Variants in ZRANB1 observed in about 807,000 individuals in gnomAD.
The protein encoded by ZRANB1 is zinc finger RANBP2-type containing 1.
In ZRANB1, 16 loss-of-function variants were observed where a neutral mutation model predicts 80.5. The ratio of observed to expected loss-of-function variants is 0.20; its 90% confidence interval spans 0.13 to 0.30. The LOEUF is 0.30. ZRANB1 is among the 10% of genes least tolerant of loss of function. The pLI, the probability that ZRANB1 is intolerant of heterozygous loss-of-function variation, is 1.00. For missense variants in ZRANB1, 576 were observed against 862.6 expected (o/e 0.67, Z 4.16); for synonymous variants, 291 against 293.1 (o/e 0.99, Z 0.07).
chr10:124,955,142 C>T (rs776819267), intron 1 of ZRANB1, among the ~76,000 whole-genome samples: 5 of 151,298 alleles, frequency 3.3e-5, no homozygotes, highest in East Asian at 4.0e-4. Context: ...CAAACAAAAA[C>T]GAACAACCAA....
At chr10:124,971,277 TA>T (rs1156360683) in intron 2 of ZRANB1, among the ~76,000 whole-genome samples, 1 of 152,210 alleles carries the variant, frequency 6.6e-6, no homozygotes, top group African/African-American at 2.4e-5. Context: ...TTAAAAAGAA[TA>T]AAAAAATAAC....
In ZRANB1 at chr10:124,987,146, A is replaced by G. The variant is rs753998776; in HGVS notation, c.*2154A>G. On this transcript the variant is annotated 3_prime_UTR_variant, in exon 9 of 9. Coordinates refer to ENST00000359653, the MANE Select transcript of ZRANB1 (RefSeq NM_017580.3). ...CCAAAAATTTTGGTAAATCAATGCT[A>G]TATTATGCTCTTGAACTATTAAAAC... 2.0e-5 allele frequency: 3 copies of G among 152,556 alleles called. No homozygotes were observed. Among genetic ancestry groups the G allele is most frequent in the African/African-American group, 4.8e-5 (2 of 41,404 alleles). The allele number at this position is 152,556 out of a possible 1,614,324, so 9.5% of individuals were successfully genotyped here. A position where few individuals can be genotyped will look rare whatever the true frequency, so the allele number is the denominator to read the frequency against.
intron 1 of ZRANB1, among the ~76,000 whole-genome samples, chr10:124,964,535 G>C (rs1235575535): frequency 6.6e-6 from 1 of 152,142 alleles, no homozygotes; most frequent in Non-Finnish European, 1.5e-5. Flanking sequence ...CTCTGTCTTT[G>C]AGAAATAAGA....
chr10:124,919,293 C>G, the ZRANB1 span, among the ~76,000 whole-genome samples: 1 of 152,124 alleles, frequency 6.6e-6, no homozygotes, highest in African/African-American at 2.4e-5. Context: ...GCCTATAATC[C>G]CAGCACTTTG....
chr10:124,971,474 AGG>A (rs952708034), intron 2 of ZRANB1, among the ~76,000 whole-genome samples: 2 of 152,214 alleles, frequency 1.3e-5, no homozygotes, highest in African/African-American at 4.8e-5. Flanking sequence ...AAAGGGCTTG[AGG>A]TCAGTGGGAA....
Position 124,981,717 on chromosome 10 carries a change from C to T in ZRANB1, c.1436C>T (p.Thr479Ile). 6.2e-7 allele frequency: 1 copy of T among 1,608,886 alleles called. No individual in the cohort carries two copies. Among genetic ancestry groups the T allele is most frequent in the Non-Finnish European group, 8.5e-7 (1 of 1,178,660 alleles). ...CTATCCTGCTTTTTTAGGTTTTACA[C>T]ACGCTGGAAAGATTGGGAATCATGG... is the stretch of plus-strand genomic sequence containing the variant. ...SLHDCSHWFY[T>I]RWKDWESWYS... The change falls in exon 6 of 9, where the codon ACA becomes ATA. Residue 479 changes from threonine to isoleucine, a missense_variant. Physicochemically the swap from Thr to Ile is moderately conservative, Grantham distance 89. Around this residue, in one of 3 missense-constraint regions of ZRANB1, gnomAD observed 411 missense variants for 583.1 expected, o/e 0.70. Transcript: ENST00000359653.
In ZRANB1 at chr10:124,986,968, A is replaced by G. The variant is rs1490049463; in HGVS notation, c.*1976A>G. 6.7e-6 allele frequency: 1 copy of G among 149,642 alleles called. No homozygotes were observed. The highest frequency in any genetic ancestry group is 1.5e-5 in the Non-Finnish European group (1 of 66,998). 9.3% of individuals were successfully genotyped at this position (149,642 alleles called of 1,614,324 possible). A position where few individuals can be genotyped will look rare whatever the true frequency, so the allele number is the denominator to read the frequency against. ...TGTTGTTTCCCCTGAGCGCTCTATT[A>G]TTTATTTATTTATTATCAATCAGTG... On this transcript the variant is annotated 3_prime_UTR_variant, in exon 9 of 9. Coordinates refer to ENST00000359653, the MANE Select transcript of ZRANB1 (RefSeq NM_017580.3).
chr10:124,980,708 A>G (rs1382892739), intron 5 of ZRANB1, among the ~76,000 whole-genome samples: 2 of 152,230 alleles, frequency 1.3e-5, no homozygotes, highest in African/African-American at 2.4e-5. Context: ...TAGGAAATAT[A>G]TTTACTCTCT....
chr10:124,961,543 TGTTAG>T (rs1372854638), intron 1 of ZRANB1, among the ~76,000 whole-genome samples: 3 of 152,226 alleles, frequency 2.0e-5, no homozygotes, highest in African/African-American at 4.8e-5. Context: ...CGAAGTTATC[TGTTAG>T]GTTAGGTATT....
chr10:124,924,878 C>A, the ZRANB1 span, among the ~76,000 whole-genome samples: 1 of 150,856 alleles, frequency 6.6e-6, no homozygotes, highest in Non-Finnish European at 1.5e-5. Context: ...GAACTTTCTG[C>A]CTGTTTTCCA....
the ZRANB1 span, among the ~76,000 whole-genome samples, chr10:124,923,180 G>C: frequency 6.6e-6 from 1 of 152,088 alleles, no homozygotes; most frequent in Non-Finnish European, 1.5e-5. Flanking sequence ...TCAGTTACTC[G>C]GGAGGCTGAG....
intron 5 of ZRANB1, among the ~76,000 whole-genome samples, chr10:124,976,605 T>G (rs1951878349): frequency 1.4e-5 from 2 of 144,806 alleles, no homozygotes; most frequent in African/African-American, 5.2e-5. Flanking sequence ...AGAGTCTTAC[T>G]CTGTCGCCCA....
chr10:124,930,127 A>G, the ZRANB1 span, among the ~76,000 whole-genome samples: 1 of 152,128 alleles, frequency 6.6e-6, no homozygotes, highest in Non-Finnish European at 1.5e-5. Context: ...CCACTTAAAG[A>G]TAGGTAAGCC....
intron 1 of ZRANB1, among the ~76,000 whole-genome samples, chr10:124,944,887 G>A (rs1199018430): frequency 6.6e-6 from 1 of 152,136 alleles, no homozygotes; most frequent in Non-Finnish European, 1.5e-5. Flanking sequence ...TAGGCACTTA[G>A]CAAGTCTTAG....
rs1951855942 is a variant in ZRANB1, at chr10:124,974,408, C to T, written c.1427+10C>T. ...ATGACTGTTCACATTGGTGAGCTGG[C>T]ATTCTGCCCTGTTTCAACCCAGGAG... On this transcript the variant is annotated intron_variant, in intron 5 of 8. Coordinates refer to ENST00000359653, the MANE Select transcript of ZRANB1 (RefSeq NM_017580.3). 1 of 1,614,134 alleles carries T rather than the reference C, an allele frequency of 6.2e-7. No homozygotes were observed.
In ZRANB1 at chr10:124,985,868, T is replaced by C. The variant is rs180859314; in HGVS notation, c.*876T>C. ...CCATCAACAATGTGCTGCTCCCAGA[T>C]TGCCATGCCAGAGGGTCTTCGGATT... is the stretch of plus-strand genomic sequence containing the variant. On this transcript the variant is annotated 3_prime_UTR_variant, in exon 9 of 9. Coordinates refer to ENST00000359653, the MANE Select transcript of ZRANB1 (RefSeq NM_017580.3). The C allele has an allele frequency of 3.3e-4, 50 of 151,888 alleles. No homozygotes were observed. The highest frequency in any genetic ancestry group is 1.2e-3 in the African/African-American group (50 of 41,558). The allele number at this position is 151,888 out of a possible 1,614,324, so 9.4% of individuals were successfully genotyped here.
the ZRANB1 span, among the ~76,000 whole-genome samples, chr10:124,919,995 C>G: frequency 1.4e-5 from 2 of 140,060 alleles, no homozygotes; most frequent in African/African-American, 5.3e-5. Context: ...TCTCGGTTCA[C>G]TACAACCTCC....
At chr10:124,956,645 G>GT (rs1951689635) in intron 1 of ZRANB1, among the ~76,000 whole-genome samples, 1 of 151,934 alleles carries the variant, frequency 6.6e-6, no homozygotes, top group Admixed American at 6.6e-5. Flanking sequence ...TCATATTTGT[G>GT]TTTTTTAGTA....
At chr10:124,949,418 T>TATATGTATGTATATATGTTTACACAC (rs1951613245) in intron 1 of ZRANB1, among the ~76,000 whole-genome samples, 1 of 143,036 alleles carries the variant, frequency 7.0e-6, no homozygotes, top group African/African-American at 2.7e-5. Context: ...TATACACATA[T>TATATGTATGTATATATGTTTACACAC]ATATGTATAT....
Sources: gnomAD v4.1 joint callset for allele counts (sites outside exome capture counted in the v4.1 genomes callset) on GRCh38, gnomAD v4.1.1 for gene constraint, gnomAD v4.1.1 regional missense constraint, MANE v1.5 for transcripts, NCBI Gene and HGNC (gene_info 2026-07-23, HGNC 2026-07-21) for gene names.